The following CYBRD1 variants were observed in gnomAD, a reference collection of about 807,000 sequenced individuals.
CYBRD1 encodes the protein plasma membrane ascorbate-dependent reductase CYBRD1.
A neutral mutation model predicts 21.9 loss-of-function variants in CYBRD1; 14 were observed. That is an observed-to-expected ratio of 0.64 (90% CI 0.42 to 1.00). The LOEUF (loss-of-function observed/expected upper bound fraction) is 1.00. Ranked by LOEUF, CYBRD1 falls within the 50% of genes least tolerant of loss-of-function variation. CYBRD1 has a pLI of 0.00. For missense variants in CYBRD1, 328 were observed against 352.5 expected (o/e 0.93, Z 0.56); for synonymous variants, 146 against 136.5 (o/e 1.07, Z -0.48).
At chr2:171,536,160 T>TG (rs1697542935) in intron 1 of CYBRD1, among the ~76,000 whole-genome samples, 1 of 116,758 alleles carries the variant, frequency 8.6e-6, no homozygotes, top group South Asian at 2.7e-4. Context: ...TTTGAGACAG[T>TG]GTCTTGCTGT....
chr2:171,526,469 C>G (rs2105328842), intron 1 of CYBRD1, among the ~76,000 whole-genome samples: 1 of 151,374 alleles, frequency 6.6e-6, no homozygotes, highest in East Asian at 1.9e-4. Context: ...CTCCCATACT[C>G]CAAGTATATT....
intron 2 of CYBRD1, among the ~76,000 whole-genome samples, chr2:171,550,008 T>C (rs1381358684): frequency 6.6e-6 from 1 of 152,218 alleles, no homozygotes; most frequent in Non-Finnish European, 1.5e-5. Flanking sequence ...AAGAATCGTC[T>C]GGGCAGTTTG....
intron 1 of CYBRD1, among the ~76,000 whole-genome samples, chr2:171,538,180 T>C (rs1574437393): frequency 6.6e-6 from 1 of 152,304 alleles, no homozygotes; most frequent in South Asian, 2.1e-4. Context: ...GGAGAATCTC[T>C]TGAACCCAGG....
In CYBRD1 at chr2:171,522,722, C is replaced by G. The variant is rs1478608988; in HGVS notation, c.177C>G (p.Val59=). The G allele has an allele frequency of 1.2e-6, 2 of 1,613,506 alleles. No homozygotes were observed. Among genetic ancestry groups the G allele is most frequent in the South Asian group, 1.1e-5 (1 of 90,804 alleles). ...WHPVLMVTGF[V]FIQGIAIIVY... ...CAGTGCTCATGGTCACCGGCTTCGT[C>G]TTCATCCAGGGCATCGGTACTGGCA... Residue 59 remains valine (V), a synonymous_variant, in exon 1 of 4, where the codon GTC becomes GTG. Transcript: ENST00000321348. This position sits in a 1 kb window ranked among gnomAD's most constrained non-coding sequence, Gnocchi z 4.3.
chr2:171,538,528 C>T (rs1000782606), intron 1 of CYBRD1, among the ~76,000 whole-genome samples: 3 of 152,134 alleles, frequency 2.0e-5, no homozygotes, highest in African/African-American at 7.2e-5. Flanking sequence ...GGAAGTATAA[C>T]CAATCGACAT....
chr2:171,544,203 A>G (rs1697677462), intron 2 of CYBRD1, among the ~76,000 whole-genome samples: 1 of 152,134 alleles, frequency 6.6e-6, no homozygotes, highest in African/African-American at 2.4e-5. Context: ...TGTCTATTTA[A>G]AAAATGTTTC....
intron 1 of CYBRD1, among the ~76,000 whole-genome samples, chr2:171,532,208 T>C (rs1697477084): frequency 1.3e-5 from 2 of 152,132 alleles, no homozygotes; most frequent in South Asian, 4.1e-4. Context: ...GGGAAATGAG[T>C]TGTGGAGACT....
intron 1 of CYBRD1, among the ~76,000 whole-genome samples, chr2:171,537,247 A>G (rs553762417): frequency 1.1e-4 from 17 of 152,288 alleles, no homozygotes; most frequent in African/African-American, 4.1e-4. Context: ...TATATCGCAC[A>G]TTTTTATTTT....
At chr2:171,543,439 C>T (rs1052291853) in intron 2 of CYBRD1, among the ~76,000 whole-genome samples, 2 of 152,132 alleles carry the variant, frequency 1.3e-5, no homozygotes, top group Admixed American at 6.6e-5. Flanking sequence ...CAGTCCATCT[C>T]GCTGGCTTGG....
chr2:171,524,640 G>A (rs985690842), intron 1 of CYBRD1, among the ~76,000 whole-genome samples: 3 of 152,176 alleles, frequency 2.0e-5, no homozygotes, highest in Non-Finnish European at 4.4e-5. Context: ...GAGAAGTTAT[G>A]TAACTTACCC....
intron 3 of CYBRD1, 87 bp downstream of exon 3, chr2:171,553,587 C>T (rs1475345368): frequency 8.2e-7 from 1 of 1,219,974 alleles, no homozygotes; most frequent in Non-Finnish European, 1.1e-6. Context: ...AAAAATATAA[C>T]AAAATTTTTT....
At position 171,525,195 on chromosome 2, in the gene CYBRD1, C is replaced by A. The variant is rs537100737; in HGVS notation, c.193+2457C>A. ...TCAAGTGATCCGCCTACCTCGGCCC[C>A]CCAGACTGCTGAGATTACAGACGTG... On this transcript the variant is annotated intron_variant, in intron 1 of 3. Coordinates refer to ENST00000321348, the MANE Select transcript of CYBRD1 (RefSeq NM_024843.4). 1.8e-4 allele frequency among the ~76,000 whole-genome samples: 28 copies of A among 152,318 alleles called. No individual in the cohort carries two copies. The East Asian group carries it at 4.2e-3, about 23-fold the overall frequency.
chr2:171,531,944 A>G (rs1007154815), intron 1 of CYBRD1, among the ~76,000 whole-genome samples: 4 of 152,180 alleles, frequency 2.6e-5, no homozygotes, highest in Admixed American at 2.6e-4. Flanking sequence ...AATCACTCAG[A>G]GATGTTTCTA....
intron 2 of CYBRD1, among the ~76,000 whole-genome samples, chr2:171,546,488 A>T (rs929451619): frequency 1.3e-5 from 2 of 152,158 alleles, no homozygotes; most frequent in Non-Finnish European, 2.9e-5. Flanking sequence ...GGTTAAGAAC[A>T]TGCATTTTTT....
intron 1 of CYBRD1, chr2:171,540,892 A>G (rs560398868): frequency 6.7e-6 from 1 of 149,866 alleles, no homozygotes; most frequent in African/African-American, 2.5e-5. Context: ...CCTCCAGAAT[A>G]GCTGGGATTA....
Position 171,541,629 on chromosome 2 carries a change from C to T in CYBRD1, c.238C>T (p.Leu80Phe). 1.2e-5 allele frequency: 20 copies of T among 1,613,982 alleles called. No individual in the cohort carries two copies. The highest frequency in any genetic ancestry group is 1.7e-5 in the Non-Finnish European group (20 of 1,179,984). The change falls in exon 2 of 4, where the codon CTC (leucine) becomes TTC (phenylalanine). Residue 80 changes from leucine to phenylalanine, a missense_variant. Leu to Phe is a conservative substitution (Grantham distance 22). Transcript: ENST00000321348. Reference sequence around the variant, plus strand: ...GCCGTGGACCTGGAAATGCAGCAAGCTCCTGATGAAATCCATCCATGCAGG... The same window carrying T: ...GCCGTGGACCTGGAAATGCAGCAAGTTCCTGATGAAATCCATCCATGCAGG... ...RLPWTWKCSK[L>F]LMKSIHAGLN...
At chr2:171,522,251 C>G, upstream of CYBRD1, 1 of 1,549,950 alleles carries the variant, frequency 6.5e-7, no homozygotes. The surrounding 1 kb of genome is among the most constrained non-coding windows in gnomAD (Gnocchi z 4.3). Context: ...AGGTCTGTTA[C>G]TGAAGCCCTC....
At chr2:171,542,931 A>T (rs1043380571) in intron 2 of CYBRD1, among the ~76,000 whole-genome samples, 2 of 152,224 alleles carry the variant, frequency 1.3e-5, no homozygotes, top group Non-Finnish European at 2.9e-5. Context: ...AATGGTTCCC[A>T]GAGGAATATA....
rs899002725 is a variant in CYBRD1, at chr2:171,556,532, A to G, written c.*1705A>G. 2 of 152,184 alleles carry G rather than the reference A, an allele frequency of 1.3e-5. No homozygotes were observed. Among genetic ancestry groups the G allele is most frequent in the African/African-American group, 4.8e-5 (2 of 41,458 alleles). The allele number at this position is 152,184 out of a possible 1,614,324, so 9.4% of individuals were successfully genotyped here. A position where few individuals can be genotyped will look rare whatever the true frequency, so the allele number is the denominator to read the frequency against. ...TATGGGTAGAAACTCTACACCAAAT[A>G]CACTAAACATTTTGGTGCTTAGTGG... On this transcript the variant is annotated 3_prime_UTR_variant, in exon 4 of 4. Transcript: ENST00000321348.
Sources: allele counts gnomAD v4.1 joint callset (sites outside exome capture counted in the v4.1 genomes callset), GRCh38; gene constraint gnomAD v4.1.1; non-coding constraint Gnocchi (gnomAD v3.1); transcripts MANE v1.5; gene names NCBI Gene and HGNC (gene_info 2026-07-23, HGNC 2026-07-21).